The following SLC25A30 variants were observed in gnomAD, a reference collection of about 807,000 sequenced individuals.
The protein encoded by SLC25A30 is kidney mitochondrial carrier protein 1.
A neutral mutation model predicts 42.7 loss-of-function variants in SLC25A30; 29 were observed. That is an observed-to-expected ratio of 0.68 (90% CI 0.51 to 0.93). SLC25A30 has a LOEUF of 0.93. Among genes scored for constraint, SLC25A30 ranks in the 40% least tolerant of loss-of-function variants. The pLI, the probability that SLC25A30 is intolerant of heterozygous loss-of-function variation, is 0.00. For missense variants in SLC25A30, 300 were observed against 359.7 expected (o/e 0.83, Z 1.34); for synonymous variants, 124 against 131.0 (o/e 0.95, Z 0.37).
upstream of SLC25A30, chr13:45,418,391 G>C (rs899567552): frequency 6.6e-6 from 1 of 152,312 alleles, no homozygotes; most frequent in African/African-American, 2.4e-5. Context: ...TGCCGTCGCG[G>C]GCGGGGCAGA....
chr13:45,416,290 T>C (rs1203559035), intron 1 of SLC25A30, among the ~76,000 whole-genome samples: 1 of 151,626 alleles, frequency 6.6e-6, no homozygotes, highest in East Asian at 2.0e-4. Context: ...CGCCTGTAAT[T>C]CTAGCTATTC....
intron 8 of SLC25A30, chr13:45,397,931 C>T (rs1330944069): frequency 1.1e-5 from 11 of 985,328 alleles, no homozygotes; most frequent in Admixed American, 1.2e-4. Context: ...CTGTTGCTTC[C>T]GTGCCATGTG....
chr13:45,393,393 A>G lies in SLC25A30; in HGVS notation c.*2581T>C. 1 of 981,968 alleles carries G rather than the reference A, an allele frequency of 1.0e-6. No homozygotes were observed. Among genetic ancestry groups the G allele is most frequent in the South Asian group, 4.7e-5 (1 of 21,212 alleles). 60.8% of individuals were successfully genotyped at this position (981,968 alleles called of 1,614,324 possible). A position where few individuals can be genotyped will look rare whatever the true frequency, so the allele number is the denominator to read the frequency against. On this transcript the variant is annotated 3_prime_UTR_variant, in exon 10 of 10. Coordinates refer to ENST00000519676, the MANE Select transcript of SLC25A30 (RefSeq NM_001010875.4). ...TGCCACATATTCCAACAATGTTTAA[A>G]TAAAGAGCTTGAAATATAAAGGCTT...
In SLC25A30 at chr13:45,399,024, A is replaced by C. The variant is rs746959251; in HGVS notation, c.669T>G (p.Val223=). Residue 223 remains valine, a synonymous_variant, in exon 8 of 10, where the codon GTT becomes GTG. Coordinates refer to ENST00000519676, the MANE Select transcript of SLC25A30 (RefSeq NM_001010875.4). Reference sequence around the variant, plus strand: ...TCTGATTCATCATACGTGTCCTCACAACATCAACAGGGTTTGAGGCCAGGG... The same window carrying C: ...TCTGATTCATCATACGTGTCCTCACCACATCAACAGGGTTTGAGGCCAGGG... ...AGALASNPVD[V]VRTRMMNQRV... is the part of the protein sequence containing the mutation. 2.5e-6 allele frequency: 4 copies of C among 1,614,064 alleles called. No homozygotes were observed. Among genetic ancestry groups the C allele is most frequent in the Non-Finnish European group, 3.4e-6 (4 of 1,179,976 alleles).
chr13:45,415,652 G>A (rs966968619), intron 1 of SLC25A30, among the ~76,000 whole-genome samples: 10 of 150,736 alleles, frequency 6.6e-5, no homozygotes, highest in Non-Finnish European at 1.5e-4. Context: ...TCGGGACGCT[G>A]AGGCAGGAGA....
chr13:45,415,268 G>A (rs1235005224), intron 1 of SLC25A30, among the ~76,000 whole-genome samples: 1 of 152,024 alleles, frequency 6.6e-6, no homozygotes, highest in African/African-American at 2.4e-5. Context: ...CCTGGTCAAA[G>A]CTACCAAATA....
chr13:45,430,733 G>A, the SLC25A30 span, among the ~76,000 whole-genome samples: 1 of 152,170 alleles, frequency 6.6e-6, no homozygotes, highest in East Asian at 1.9e-4. Flanking sequence ...CTTGAGCCCA[G>A]GAGGTAGAGG....
Position 45,395,644 on chromosome 13 carries a change from C to T in SLC25A30, c.*330G>A. The T allele has an allele frequency of 8.4e-7, 1 of 1,195,408 alleles. No homozygotes were observed. The highest frequency in any genetic ancestry group is 1.1e-6 in the Non-Finnish European group (1 of 950,666). The allele number at this position is 1,195,408 out of a possible 1,614,324, so 74.1% of individuals were successfully genotyped here. Reference sequence around the variant, plus strand: ...GTCATGAGCTGAGATGCATCAGGAGCTACTCTCCCTGAATAAAACAATACA... The same window carrying T: ...GTCATGAGCTGAGATGCATCAGGAGTTACTCTCCCTGAATAAAACAATACA... On this transcript the variant is annotated 3_prime_UTR_variant, in exon 10 of 10. Coordinates refer to ENST00000519676, the MANE Select transcript of SLC25A30 (RefSeq NM_001010875.4).
rs1881144643 is a variant in SLC25A30, at chr13:45,394,150, C to T, written c.*1824G>A. Reference sequence around the variant, plus strand: ...GAACAAGCAGCAAGGCCTGAATGAGCTCTGGGGTCCTCTGCTGCCCTCTAG... The same window carrying T: ...GAACAAGCAGCAAGGCCTGAATGAGTTCTGGGGTCCTCTGCTGCCCTCTAG... On this transcript the variant is annotated 3_prime_UTR_variant, in exon 10 of 10. Transcript: ENST00000519676. 1.0e-6 allele frequency: 1 copy of T among 985,168 alleles called. No individual in the cohort carries two copies. Among genetic ancestry groups the T allele is most frequent in the African/African-American group, 1.7e-5 (1 of 57,186 alleles). 61.0% of individuals were successfully genotyped at this position (985,168 alleles called of 1,614,324 possible). A position where few individuals can be genotyped will look rare whatever the true frequency, so the allele number is the denominator to read the frequency against.
intron 5 of SLC25A30, 82 bp from the exon 6 acceptor site, chr13:45,402,452 T>A: frequency 9.0e-7 from 1 of 1,105,442 alleles, no homozygotes; most frequent in Non-Finnish European, 1.4e-6. Flanking sequence ...TGACAGTCAG[T>A]CCGTCAGTCA....
chr13:45,415,935 G>T (rs961321208), intron 1 of SLC25A30, among the ~76,000 whole-genome samples: 1 of 149,178 alleles, frequency 6.7e-6, no homozygotes, highest in Non-Finnish European at 1.5e-5. Flanking sequence ...GAGTAACTGG[G>T]ATTACAGGCA....
chr13:45,398,902 T>TA, intron 8 of SLC25A30, 38 bp downstream of exon 8: 6 of 1,584,640 alleles, frequency 3.8e-6, no homozygotes, highest in Non-Finnish European at 5.1e-6. Context: ...AAAAAATATA[T>TA]AATTCACAAC....
In SLC25A30 at chr13:45,395,608, TC is replaced by T; in HGVS notation, c.*365del. ...GTTCCAGTGAGCTTTTCTAGAGCAG[TC>T]TGATTCTCAGTCATGAGCTGAGATG... is the stretch of plus-strand genomic sequence containing the variant. On this transcript the variant is annotated 3_prime_UTR_variant, in exon 10 of 10. Transcript: ENST00000519676. 4 of 1,144,724 alleles carry T rather than the reference TC, an allele frequency of 3.5e-6. No individual in the cohort carries two copies. Among genetic ancestry groups the T allele is most frequent in the Middle Eastern group, 8.0e-4 (2 of 2,508 alleles). 70.9% of individuals were successfully genotyped at this position (1,144,724 alleles called of 1,614,324 possible).
At chr13:45,407,140 G>A (rs1485905892) in intron 3 of SLC25A30, among the ~76,000 whole-genome samples, 2 of 152,158 alleles carry the variant, frequency 1.3e-5, no homozygotes, top group South Asian at 2.1e-4. Flanking sequence ...GCTCACACCT[G>A]TAATCCCAGC....
chr13:45,424,853 T>A, the SLC25A30 span, among the ~76,000 whole-genome samples: 13 of 42,884 alleles, frequency 3.0e-4, 4 homozygotes, highest in Non-Finnish European at 4.5e-4. Context: ...TATATATAAA[T>A]ATATATATAA....
At chr13:45,424,843 T>A in the SLC25A30 span, among the ~76,000 whole-genome samples, 303 of 51,434 alleles carry the variant, frequency 5.9e-3, 60 homozygotes, top group Middle Eastern at 0.045. Flanking sequence ...TATATAAAAA[T>A]ATATATAAAT....
At chr13:45,420,731 C>T (rs553479498), upstream of SLC25A30, among the ~76,000 whole-genome samples, 6 of 152,166 alleles carry the variant, frequency 3.9e-5, no homozygotes, top group African/African-American at 1.4e-4. Context: ...GACAGGGTCT[C>T]GCTCTGTCAC....
chr13:45,399,253 T>C (rs1881688221), intron 7 of SLC25A30, among the ~76,000 whole-genome samples, 175 bp from the exon 8 acceptor site: 1 of 152,248 alleles, frequency 6.6e-6, no homozygotes. Flanking sequence ...TTGCCCAGGC[T>C]GGAGTGCAAT....
chr13:45,424,853 T>TATATATAA, the SLC25A30 span, among the ~76,000 whole-genome samples: 2 of 42,884 alleles, frequency 4.7e-5, no homozygotes, highest in East Asian at 1.1e-3. Context: ...TATATATAAA[T>TATATATAA]ATATATATAA....
Sources: allele counts gnomAD v4.1 joint callset (sites outside exome capture counted in the v4.1 genomes callset), GRCh38; gene constraint gnomAD v4.1.1; transcripts MANE v1.5; gene names NCBI Gene and HGNC (gene_info 2026-07-23, HGNC 2026-07-21).